Variants in GPHN observed in about 807,000 individuals in gnomAD.
The protein encoded by GPHN is gephyrin.
In GPHN, 17 loss-of-function variants were observed where a neutral mutation model predicts 95.5. The observed-to-expected ratio is 0.18, with a 90% CI of 0.12 to 0.27. GPHN has a LOEUF of 0.27. Ranked by LOEUF, GPHN falls within the 10% of genes least tolerant of loss-of-function variation. The pLI is 1.00. For synonymous variants in GPHN, 320 were observed against 322.5 expected, an observed-to-expected ratio of 0.99 and a Z score of 0.08; for missense variants, 660 against 978.1, an observed-to-expected ratio of 0.67 and a Z score of 4.34.
At chr14:67,701,024 CAAAAA>C in the GPHN span, among the ~76,000 whole-genome samples, 2 of 67,422 alleles carry the variant, frequency 3.0e-5, no homozygotes, top group Admixed American at 1.8e-4. Context: ...AATTTCATCT[CAAAAA>C]AAAAAAAAAA....
the GPHN span, among the ~76,000 whole-genome samples, chr14:67,482,128 G>T: frequency 6.6e-6 from 1 of 152,206 alleles, no homozygotes; most frequent in Non-Finnish European, 1.5e-5. Flanking sequence ...GACTTGTGAG[G>T]TCTAGGAACT....
chr14:66,772,461 G>A, intron 2 of GPHN, among the ~76,000 whole-genome samples: 1 of 152,294 alleles, frequency 6.6e-6, no homozygotes, highest in Admixed American at 6.5e-5. Flanking sequence ...CCTTAAAATA[G>A]GGAGGTTATC....
intron 12 of GPHN, among the ~76,000 whole-genome samples, chr14:67,094,241 C>A (rs1006526054): frequency 2.6e-4 from 40 of 151,852 alleles, no homozygotes; most frequent in African/African-American, 8.5e-4. Flanking sequence ...AATTTCATAT[C>A]AAATAATATA....
chr14:67,050,393 C>T (rs1039909153), intron 10 of GPHN, among the ~76,000 whole-genome samples: 2 of 152,240 alleles, frequency 1.3e-5, no homozygotes, highest in African/African-American at 2.4e-5. Flanking sequence ...TCATTAAATA[C>T]CCCAAGTATT....
At chr14:67,169,382 T>C (rs2082469164) in intron 21 of GPHN, among the ~76,000 whole-genome samples, 1 of 152,186 alleles carries the variant, frequency 6.6e-6, no homozygotes. Flanking sequence ...AATTTTCTTT[T>C]CCCCATGCAA....
At chr14:67,157,869 C>T (rs1294989634) in intron 18 of GPHN, among the ~76,000 whole-genome samples, 8 of 86,204 alleles carry the variant, frequency 9.3e-5, no homozygotes, top group African/African-American at 2.3e-4. Flanking sequence ...AGAGTGGCGG[C>T]GGGGGTGGGG....
At position 67,132,239 on chromosome 14, in the gene GPHN, G is replaced by A. The variant is rs761658948; in HGVS notation, c.1748+9862G>A. Among the ~76,000 whole-genome samples the A allele has an allele frequency of 1.1e-3, 175 of 152,186 alleles. 1 individual carries two copies. Among genetic ancestry groups the A allele is most frequent in the Non-Finnish European group, 1.4e-3 (95 of 68,032 alleles). Reference sequence around the variant, plus strand: ...GCACAGTGATTATTTGGGCAAAGCCGAGTGCCTTACAACTTCCAATTTGTG... The same window carrying A: ...GCACAGTGATTATTTGGGCAAAGCCAAGTGCCTTACAACTTCCAATTTGTG... On this transcript the variant is annotated intron_variant, in intron 17 of 22. Coordinates refer to ENST00000478722, the MANE Select transcript of GPHN (RefSeq NM_020806.5).
chr14:66,719,861 G>T (rs1566865302), intron 2 of GPHN, among the ~76,000 whole-genome samples: 1 of 152,026 alleles, frequency 6.6e-6, no homozygotes, highest in Non-Finnish European at 1.5e-5. Context: ...GCACTATGGT[G>T]GTAATAACTG....
At chr14:67,554,903 G>A in the GPHN span, among the ~76,000 whole-genome samples, 2 of 152,108 alleles carry the variant, frequency 1.3e-5, no homozygotes, top group African/African-American at 4.8e-5. Flanking sequence ...CAGCAAGACA[G>A]AATTTTTACT....
At chr14:67,483,780 G>A in the GPHN span, among the ~76,000 whole-genome samples, 1 of 152,228 alleles carries the variant, frequency 6.6e-6, no homozygotes, top group South Asian at 2.1e-4. Context: ...GCCCAGCCCT[G>A]CCATGGAGAC....
At chr14:67,340,088 G>T in the GPHN span, 2 of 172,982 alleles carry the variant, frequency 1.2e-5, no homozygotes, top group Non-Finnish European at 2.4e-5. Flanking sequence ...AAGGTAATGA[G>T]TTCTCTCTAT....
At chr14:66,695,065 AG>A (rs1421330652) in intron 2 of GPHN, among the ~76,000 whole-genome samples, 3 of 152,156 alleles carry the variant, frequency 2.0e-5, no homozygotes, top group Non-Finnish European at 4.4e-5. Context: ...AGGCTGAGGC[AG>A]GAGAATGGCT....
intron 10 of GPHN, among the ~76,000 whole-genome samples, chr14:67,052,726 C>G (rs1407732184): frequency 6.6e-6 from 1 of 152,084 alleles, no homozygotes; most frequent in Non-Finnish European, 1.5e-5. Context: ...TGCCAAACAA[C>G]TGAAATCAGA....
chr14:67,024,680 A>G (rs1030907643), intron 10 of GPHN, among the ~76,000 whole-genome samples: 1 of 152,178 alleles, frequency 6.6e-6, no homozygotes, highest in East Asian at 1.9e-4. Flanking sequence ...AGCCATATGG[A>G]CATTGCTTAT....
chr14:66,589,368 A>C (rs375626704), intron 1 of GPHN, among the ~76,000 whole-genome samples: 1 of 152,188 alleles, frequency 6.6e-6, no homozygotes, highest in Non-Finnish European at 1.5e-5. Flanking sequence ...GACAGGATCA[A>C]ATTCACACAT....
At chr14:67,443,365 C>T in the GPHN span, among the ~76,000 whole-genome samples, 1 of 152,130 alleles carries the variant, frequency 6.6e-6, no homozygotes, top group Non-Finnish European at 1.5e-5. Context: ...TGCAGAACAC[C>T]TACCACTACC....
chr14:67,142,674 C>T (rs1291006944), intron 17 of GPHN, among the ~76,000 whole-genome samples: 1 of 152,124 alleles, frequency 6.6e-6, no homozygotes, highest in Non-Finnish European at 1.5e-5. Context: ...AGGGATCCTC[C>T]CCCCTCCATT....
At chr14:66,808,352 A>G (rs993697406) in intron 3 of GPHN, among the ~76,000 whole-genome samples, 3 of 152,214 alleles carry the variant, frequency 2.0e-5, no homozygotes, top group Non-Finnish European at 4.4e-5. Context: ...TCTTAAAAGT[A>G]TCTTTGCTGA....
chr14:66,627,429 A>G (rs772919407), intron 1 of GPHN, among the ~76,000 whole-genome samples: 11 of 151,716 alleles, frequency 7.3e-5, no homozygotes, highest in Non-Finnish European at 1.5e-4. Context: ...CTTTATTTCA[A>G]CTGTTGAAGA....
Sources: gnomAD v4.1 joint callset for allele counts (sites outside exome capture counted in the v4.1 genomes callset) on GRCh38, gnomAD v4.1.1 for gene constraint, MANE v1.5 for transcripts, NCBI Gene and HGNC (gene_info 2026-07-23, HGNC 2026-07-21) for gene names.